CNTN4: variants seen among roughly 807,000 people sequenced by gnomAD.
The protein encoded by CNTN4 is contactin 4.
CNTN4 carries 77 observed loss-of-function variants against 122.5 expected under a neutral mutation model. The observed-to-expected ratio is 0.63, with a 90% CI of 0.52 to 0.76. The LOEUF is 0.76. Ranked by LOEUF, CNTN4 falls within the 30% of genes least tolerant of loss-of-function variation. The pLI is 0.00. For synonymous variants in CNTN4, 512 were observed against 447.0 expected (o/e 1.15, Z -1.83); for missense variants, 1,256 against 1,259.1 (o/e 1.00, Z 0.04).
Position 2,564,607 on chromosome 3 carries a change from A to T in CNTN4, c.-88-6809A>T, listed in dbSNP as rs117834156. On this transcript the variant is annotated intron_variant, in intron 3 of 24. Coordinates refer to ENST00000418658, the MANE Select transcript of CNTN4 (RefSeq NM_175607.3). ...GGCCCAGTCCCGTCTTCTATTCATG[A>T]GGAAACTTGTCCAGCAAGCAAATAA... Among the ~76,000 whole-genome samples, 13 of 152,290 alleles carry T rather than the reference A, an allele frequency of 8.5e-5. No homozygotes were observed. In the East Asian group the frequency reaches 2.3e-3, roughly 27 times the overall value.
At chr3:2,120,397 A>AT (rs2033678127) in intron 2 of CNTN4, among the ~76,000 whole-genome samples, 4 of 30,664 alleles carry the variant, frequency 1.3e-4, no homozygotes, top group African/African-American at 3.7e-4. Context: ...ATATATATAT[A>AT]TATATATATT....
chr3:2,888,510 C>T (rs1437522577), intron 10 of CNTN4, among the ~76,000 whole-genome samples: 1 of 152,086 alleles, frequency 6.6e-6, no homozygotes, highest in East Asian at 1.9e-4. Flanking sequence ...CTTTTGACAT[C>T]ACAGGGCCAA....
At chr3:2,396,043 A>ATT (rs555592251) in intron 3 of CNTN4, among the ~76,000 whole-genome samples, 9 of 140,336 alleles carry the variant, frequency 6.4e-5, no homozygotes, top group African/African-American at 2.3e-4. Flanking sequence ...TGTTGTTGTT[A>ATT]TTTTTTTTTT....
At chr3:2,985,181 T>A (rs937109539) in intron 13 of CNTN4, 1 of 152,312 alleles carries the variant, frequency 6.6e-6, no homozygotes, top group African/African-American at 2.4e-5. Context: ...AAGTTGGTAA[T>A]CATCTGTGTA....
intron 13 of CNTN4, among the ~76,000 whole-genome samples, chr3:2,955,729 TTTTAAGTGGCTA>T: frequency 6.6e-6 from 1 of 152,282 alleles, no homozygotes; most frequent in East Asian, 1.9e-4. Flanking sequence ...AGGGATAGGT[TTTTAAGTGGCTA>T]TTATTGGATA....
chr3:2,432,979 T>TTTG (rs1559548653), intron 3 of CNTN4, among the ~76,000 whole-genome samples: 5 of 151,718 alleles, frequency 3.3e-5, no homozygotes, highest in East Asian at 1.9e-4. Context: ...TCATTTGTTT[T>TTTG]TTTGTTTGTT....
chr3:2,383,587 C>G (rs753846043), intron 3 of CNTN4, among the ~76,000 whole-genome samples: 9 of 152,044 alleles, frequency 5.9e-5, no homozygotes, highest in Non-Finnish European at 1.2e-4. Flanking sequence ...AACGACAGCA[C>G]TATTTTCTCT....
chr3:2,816,083 AG>A (rs2092720640), intron 6 of CNTN4, among the ~76,000 whole-genome samples: 1 of 152,128 alleles, frequency 6.6e-6, no homozygotes, highest in South Asian at 2.1e-4. Flanking sequence ...GGCCGGATAC[AG>A]TGGCTCACAC....
intron 8 of CNTN4, among the ~76,000 whole-genome samples, chr3:2,870,287 TA>T (rs1427417686): frequency 6.6e-6 from 1 of 152,226 alleles, no homozygotes; most frequent in African/African-American, 2.4e-5. Context: ...ATCACAAAGT[TA>T]GCAGACTAAA....
chr3:2,196,131 C>T (rs570372773), intron 2 of CNTN4, among the ~76,000 whole-genome samples: 81 of 152,256 alleles, frequency 5.3e-4, no homozygotes, highest in African/African-American at 1.8e-3. Context: ...ATGTCATCTC[C>T]TAATTATATT....
At chr3:2,730,322 G>T (rs1057230903) in intron 4 of CNTN4, among the ~76,000 whole-genome samples, 1 of 152,160 alleles carries the variant, frequency 6.6e-6, no homozygotes, top group Non-Finnish European at 1.5e-5. Flanking sequence ...TCTAGCACAG[G>T]TGTCACTATC....
chr3:2,414,823 C>T (rs2047356023), intron 3 of CNTN4, among the ~76,000 whole-genome samples: 1 of 151,842 alleles, frequency 6.6e-6, no homozygotes, highest in Non-Finnish European at 1.5e-5. Flanking sequence ...CAAACACAGC[C>T]CAAAAGAATA....
At chr3:3,024,748 A>G (rs1698586355) in intron 14 of CNTN4, among the ~76,000 whole-genome samples, 1 of 152,222 alleles carries the variant, frequency 6.6e-6, no homozygotes, top group South Asian at 2.1e-4. Flanking sequence ...AATGTTTTAA[A>G]TACTCTCTTT....
At position 2,887,205 on chromosome 3, in the gene CNTN4, G is replaced by C; in HGVS notation, c.921G>C (p.Arg307Ser). Residue 307 changes from arginine to serine, a missense_variant, in exon 10 of 25, where the codon AGG becomes AGC. Coordinates refer to ENST00000418658, the MANE Select transcript of CNTN4 (RefSeq NM_175607.3). ...ATTCCAGAGGGAAAAATGTAGCAAG[G>C]GGACAGCTAACTTTCTATGGTAAGT... ...AENSRGKNVARGQLTFYAQPN... is the reference protein window; with the variant it reads ...AENSRGKNVASGQLTFYAQPN... The C allele has an allele frequency of 2.5e-6, 4 of 1,613,442 alleles. No homozygotes were observed. The highest frequency in any genetic ancestry group is 3.4e-6 in the Non-Finnish European group (4 of 1,179,958).
At chr3:2,828,105 C>G (rs6780961) in intron 7 of CNTN4, among the ~76,000 whole-genome samples, 90,356 of 151,906 alleles carry the variant, frequency 0.59, 27,214 homozygotes, top group East Asian at 0.78. Flanking sequence ...CTCTCTCTCT[C>G]TCTCTCTCTG....
At chr3:2,753,799 A>G (rs1040424523) in intron 6 of CNTN4, among the ~76,000 whole-genome samples, 1 of 152,132 alleles carries the variant, frequency 6.6e-6, no homozygotes, top group African/African-American at 2.4e-5. Flanking sequence ...TTAATTTTTT[A>G]GTTGTAGGTA....
chr3:2,494,145 A>T (rs2076391264), intron 3 of CNTN4, among the ~76,000 whole-genome samples: 1 of 152,102 alleles, frequency 6.6e-6, no homozygotes, highest in African/African-American at 2.4e-5. Flanking sequence ...TCTGTAAAAT[A>T]TTGGAAAGGA....
intron 23 of CNTN4, among the ~76,000 whole-genome samples, chr3:3,052,072 C>T (rs1328926165): frequency 6.6e-6 from 1 of 152,330 alleles, no homozygotes; most frequent in Admixed American, 6.5e-5. Flanking sequence ...ATTCTGTTCA[C>T]GCTTGAATTT....
chr3:3,025,222 C>G (rs1698627486), intron 14 of CNTN4, among the ~76,000 whole-genome samples: 1 of 152,152 alleles, frequency 6.6e-6, no homozygotes, highest in African/African-American at 2.4e-5. Flanking sequence ...CCAGTTTAAA[C>G]TATAATGTAA....
Sources: gnomAD v4.1 joint callset for allele counts (sites outside exome capture counted in the v4.1 genomes callset) on GRCh38, gnomAD v4.1.1 for gene constraint, MANE v1.5 for transcripts, NCBI Gene and HGNC (gene_info 2026-07-23, HGNC 2026-07-21) for gene names.